The following PCDH9 variants were observed in gnomAD, a reference collection of about 807,000 sequenced individuals.
The protein encoded by PCDH9 is protocadherin 9.
Under a neutral mutation model 70.6 loss-of-function variants are expected in PCDH9, and 24 were observed. That is an observed-to-expected ratio of 0.34 (90% CI 0.25 to 0.48). The LOEUF (loss-of-function observed/expected upper bound fraction) is 0.48. Among genes scored for constraint, PCDH9 ranks in the 20% least tolerant of loss-of-function variants. The pLI is 0.99. For missense variants in PCDH9, 1,281 were observed against 1,503.6 expected, an observed-to-expected ratio of 0.85 and a Z score of 2.45; for synonymous variants, 562 against 558.5, an observed-to-expected ratio of 1.01 and a Z score of -0.09.
chr13:66,562,567 C>T (rs2076589910), intron 4 of PCDH9, among the ~76,000 whole-genome samples: 1 of 152,116 alleles, frequency 6.6e-6, no homozygotes, highest in African/African-American at 2.4e-5. Context: ...AGGGGAACTG[C>T]CCTTTATAAA....
At chr13:66,865,202 A>G (rs1237410123) in intron 3 of PCDH9, among the ~76,000 whole-genome samples, 1 of 152,186 alleles carries the variant, frequency 6.6e-6, no homozygotes, top group Non-Finnish European at 1.5e-5. Flanking sequence ...TGGTTAAAAT[A>G]TTTGACCCTT....
chr13:66,369,905 G>A (rs991676569), intron 4 of PCDH9, among the ~76,000 whole-genome samples: 2 of 152,122 alleles, frequency 1.3e-5, no homozygotes, highest in African/African-American at 2.4e-5. Context: ...ACATTCCCCA[G>A]AAAGCAGTGG....
intron 2 of PCDH9, among the ~76,000 whole-genome samples, chr13:67,161,421 C>A (rs181377290): frequency 6.6e-6 from 1 of 152,290 alleles, no homozygotes; most frequent in East Asian, 1.9e-4. Context: ...ATGCTTAAAG[C>A]TTTTCAGTGA....
intron 4 of PCDH9, among the ~76,000 whole-genome samples, chr13:66,538,937 T>C (rs1037580652): frequency 2.0e-5 from 3 of 152,082 alleles, no homozygotes; most frequent in African/African-American, 7.2e-5. Flanking sequence ...CTTCCCATTT[T>C]AGAACAATTA....
intron 4 of PCDH9, chr13:66,630,779 A>G (rs1192530597): frequency 8.5e-5 from 13 of 152,556 alleles, no homozygotes; most frequent in Admixed American, 8.5e-4. Context: ...TAACTCTAAT[A>G]TTCTTTATTT....
rs375094384 is a variant in PCDH9, at chr13:67,161,618, A to T, written c.3036+63787T>A. ...AGGTCATACATAGACTCACATGCAGATCTATTTTTTGTGGCAGGGAACTGT... is the reference window on the plus strand; with the variant it reads ...AGGTCATACATAGACTCACATGCAGTTCTATTTTTTGTGGCAGGGAACTGT... On this transcript the variant is annotated intron_variant, in intron 2 of 4. Coordinates refer to ENST00000377865, the MANE Select transcript of PCDH9 (RefSeq NM_203487.3). 4.5e-4 allele frequency among the ~76,000 whole-genome samples: 69 copies of T among 152,306 alleles called. No individual in the cohort carries two copies. The East Asian group carries it at 5.2e-3, about 11-fold the overall frequency.
intron 2 of PCDH9, among the ~76,000 whole-genome samples, chr13:67,143,870 A>G (rs573797109): frequency 3.0e-4 from 46 of 152,304 alleles, no homozygotes; most frequent in African/African-American, 1.1e-3. Context: ...TTCTTTAGGA[A>G]GACGATGAAA....
chr13:66,589,867 T>C (rs1356609385), intron 4 of PCDH9, among the ~76,000 whole-genome samples: 7 of 152,110 alleles, frequency 4.6e-5, no homozygotes, highest in East Asian at 3.9e-4. Flanking sequence ...TCTGGTGAGA[T>C]TGTGATTGCA....
At chr13:66,710,519 T>A (rs2078778135) in intron 3 of PCDH9, among the ~76,000 whole-genome samples, 1 of 152,192 alleles carries the variant, frequency 6.6e-6, no homozygotes, top group East Asian at 1.9e-4. Context: ...CTGTTCTGTA[T>A]TGCAGTAACT....
intron 2 of PCDH9, among the ~76,000 whole-genome samples, chr13:67,092,989 T>C (rs1208942715): frequency 6.6e-6 from 1 of 152,130 alleles, no homozygotes; most frequent in Non-Finnish European, 1.5e-5. Context: ...ACTTCTAAAC[T>C]AAGTAGCTAT....
intron 2 of PCDH9, among the ~76,000 whole-genome samples, chr13:66,934,558 G>GAA (rs1555288043): frequency 5.9e-5 from 8 of 134,842 alleles, no homozygotes; most frequent in East Asian, 4.6e-4. Context: ...AAAAAAAAAA[G>GAA]AAAAAGAAAA....
intron 4 of PCDH9, among the ~76,000 whole-genome samples, chr13:66,371,936 T>C (rs1004854488): frequency 6.6e-6 from 1 of 152,088 alleles, no homozygotes; most frequent in Admixed American, 6.6e-5. Context: ...CAGGCTCAAC[T>C]ACAAGCCCTG....
At chr13:66,669,916 T>C (rs570938460) in intron 3 of PCDH9, among the ~76,000 whole-genome samples, 7 of 152,328 alleles carry the variant, frequency 4.6e-5, no homozygotes, top group Admixed American at 6.5e-5. Context: ...TAAATGATCA[T>C]ATTTGTTCAA....
At chr13:66,893,798 A>G (rs576400257) in intron 3 of PCDH9, among the ~76,000 whole-genome samples, 1 of 152,228 alleles carries the variant, frequency 6.6e-6, no homozygotes, top group Non-Finnish European at 1.5e-5. Context: ...TCACGTTGCC[A>G]TTGTTTCCTC....
At chr13:66,561,164 C>G (rs190763134) in intron 4 of PCDH9, among the ~76,000 whole-genome samples, 83 of 152,312 alleles carry the variant, frequency 5.4e-4, no homozygotes, top group Non-Finnish European at 9.9e-4. Context: ...TCGGAGCGGC[C>G]GGCTGGCCCC....
chr13:66,918,273 TCATTTTGCCTC>T (rs2082587220), intron 2 of PCDH9, among the ~76,000 whole-genome samples: 1 of 151,120 alleles, frequency 6.6e-6, no homozygotes, highest in Admixed American at 6.6e-5. Flanking sequence ...GCCTTATTTA[TCATTTTGCCTC>T]CATTTTAGAT....
intron 3 of PCDH9, among the ~76,000 whole-genome samples, chr13:66,702,081 T>C (rs994061620): frequency 2.6e-5 from 4 of 152,212 alleles, no homozygotes; most frequent in African/African-American, 7.2e-5. Context: ...ATTATGTTCA[T>C]TTTCAAATAG....
At chr13:67,164,292 A>C (rs1398928008) in intron 2 of PCDH9, among the ~76,000 whole-genome samples, 1 of 152,158 alleles carries the variant, frequency 6.6e-6, no homozygotes, top group African/African-American at 2.4e-5. Flanking sequence ...TAAGAAGAAT[A>C]TACGCCGGGC....
intron 4 of PCDH9, among the ~76,000 whole-genome samples, chr13:66,626,656 GA>G (rs1193084050): frequency 3.3e-5 from 5 of 151,620 alleles, no homozygotes; most frequent in African/African-American, 9.7e-5. Flanking sequence ...AAAAATGGAA[GA>G]AAAAAAAGAA....
Sources: gnomAD v4.1 joint callset for allele counts (sites outside exome capture counted in the v4.1 genomes callset) on GRCh38, gnomAD v4.1.1 for gene constraint, MANE v1.5 for transcripts, NCBI Gene and HGNC (gene_info 2026-07-23, HGNC 2026-07-21) for gene names.